SPATA16: variants seen among roughly 807,000 people sequenced by gnomAD.
SPATA16 encodes spermatogenesis-associated protein 16.
SPATA16 carries 36 observed loss-of-function variants against 63.3 expected under a neutral mutation model. That is an observed-to-expected ratio of 0.57 (90% CI 0.44 to 0.75). The LOEUF (loss-of-function observed/expected upper bound fraction) is 0.75, where lower values mean the gene tolerates loss of function less well. Ranked by LOEUF, SPATA16 falls within the 30% of genes least tolerant of loss-of-function variation. SPATA16 has a pLI of 0.00. For synonymous variants in SPATA16, 203 were observed against 216.7 expected (o/e 0.94, Z 0.56); for missense variants, 646 against 679.3 (o/e 0.95, Z 0.54).
intron 6 of SPATA16, among the ~76,000 whole-genome samples, chr3:172,930,521 A>AT (rs1391468925): frequency 7.0e-6 from 1 of 143,744 alleles, no homozygotes; most frequent in Non-Finnish European, 1.5e-5. Flanking sequence ...TTTCCTGAAT[A>AT]TTACAGTATC....
intron 1 of SPATA16, among the ~76,000 whole-genome samples, chr3:173,138,312 A>AGGTTGAGT (rs1738607590): frequency 1.3e-5 from 2 of 152,188 alleles, no homozygotes; most frequent in Admixed American, 1.3e-4. Flanking sequence ...AATACAGACC[A>AGGTTGAGT]GGTTGAGTGC....
At chr3:173,037,940 G>A (rs1408164653) in intron 3 of SPATA16, among the ~76,000 whole-genome samples, 1 of 152,080 alleles carries the variant, frequency 6.6e-6, no homozygotes, top group African/African-American at 2.4e-5. Context: ...TGTAGAATAT[G>A]TATGGAATAT....
At chr3:173,131,505 G>C (rs1205125696) in intron 1 of SPATA16, among the ~76,000 whole-genome samples, 2 of 151,624 alleles carry the variant, frequency 1.3e-5, no homozygotes, top group Non-Finnish European at 2.9e-5. Flanking sequence ...GTCACTGGTG[G>C]GTAATGTTGA....
intron 4 of SPATA16, among the ~76,000 whole-genome samples, chr3:172,989,893 A>C (rs1234605397): frequency 3.3e-5 from 5 of 152,182 alleles, no homozygotes; most frequent in Admixed American, 2.6e-4. Flanking sequence ...ATAGAAGCTT[A>C]CAACTAATAT....
intron 6 of SPATA16, among the ~76,000 whole-genome samples, chr3:172,930,489 G>A (rs753424707): frequency 2.7e-5 from 4 of 149,988 alleles, no homozygotes; most frequent in Non-Finnish European, 5.9e-5. Flanking sequence ...ATGTGTCTAA[G>A]TCCCATCTAG....
chr3:173,085,506 T>A (rs561220181), intron 2 of SPATA16, among the ~76,000 whole-genome samples: 1 of 152,152 alleles, frequency 6.6e-6, no homozygotes, highest in African/African-American at 2.4e-5. Context: ...TGCTTTATTT[T>A]TTTTTTCTCT....
intron 1 of SPATA16, among the ~76,000 whole-genome samples, chr3:173,131,491 G>C (rs1198584937): frequency 6.6e-6 from 1 of 151,656 alleles, no homozygotes; most frequent in African/African-American, 2.4e-5. Flanking sequence ...TTCACTGAAG[G>C]AGTGTCACTG....
At chr3:173,058,550 A>G (rs900279198) in intron 2 of SPATA16, among the ~76,000 whole-genome samples, 2 of 152,096 alleles carry the variant, frequency 1.3e-5, no homozygotes, top group Admixed American at 6.5e-5. Context: ...TTGTTTCTAT[A>G]TACTAGTACC....
At chr3:173,112,540 G>C (rs1291084306) in intron 2 of SPATA16, among the ~76,000 whole-genome samples, 1 of 151,988 alleles carries the variant, frequency 6.6e-6, no homozygotes, top group Non-Finnish European at 1.5e-5. Flanking sequence ...GTCCACCCTT[G>C]GTTTTCTCAT....
intron 4 of SPATA16, among the ~76,000 whole-genome samples, chr3:172,986,766 A>G (rs1734469234): frequency 6.6e-6 from 1 of 152,154 alleles, no homozygotes; most frequent in Admixed American, 6.5e-5. Context: ...AGAAAGTGGC[A>G]AGGGCAGTTC....
chr3:172,961,097 C>T (rs558046147), intron 5 of SPATA16, among the ~76,000 whole-genome samples: 2,082 of 142,628 alleles, frequency 0.015, 92 homozygotes, highest in Middle Eastern at 0.014. Context: ...TTCCTTCCTT[C>T]CTTCCTTCCT....
chr3:172,980,453 T>G (rs983103168), intron 4 of SPATA16, among the ~76,000 whole-genome samples: 1 of 152,228 alleles, frequency 6.6e-6, no homozygotes, highest in Non-Finnish European at 1.5e-5. Context: ...TTATTTTCAT[T>G]AATGTACTGA....
At chr3:172,931,281 C>T (rs576889831) in intron 6 of SPATA16, among the ~76,000 whole-genome samples, 1 of 152,226 alleles carries the variant, frequency 6.6e-6, no homozygotes, top group Non-Finnish European at 1.5e-5. Context: ...TACTCTGTCA[C>T]TTATGCTGGA....
chr3:173,041,100 A>T (rs1355005885), intron 3 of SPATA16, among the ~76,000 whole-genome samples: 5 of 151,960 alleles, frequency 3.3e-5, no homozygotes, highest in African/African-American at 1.2e-4. Flanking sequence ...TTTTGGGGGG[A>T]ATACAATAGC....
intron 4 of SPATA16, among the ~76,000 whole-genome samples, chr3:173,008,406 A>G (rs1055982474): frequency 1.3e-5 from 2 of 152,052 alleles, no homozygotes; most frequent in Admixed American, 6.6e-5. Flanking sequence ...TGGGATCCGC[A>G]GCTCAGATTG....
At chr3:173,121,964 C>A (rs1738086383) in intron 1 of SPATA16, among the ~76,000 whole-genome samples, 1 of 152,084 alleles carries the variant, frequency 6.6e-6, no homozygotes, top group African/African-American at 2.4e-5. Flanking sequence ...GTTCCTGAGA[C>A]ACTGAGCTGC....
intron 6 of SPATA16, among the ~76,000 whole-genome samples, chr3:172,928,179 G>A (rs1732784706): frequency 6.6e-6 from 1 of 152,134 alleles, no homozygotes; most frequent in Non-Finnish European, 1.5e-5. Context: ...AAAGTGTTGG[G>A]ATTATAGGCA....
intron 4 of SPATA16, among the ~76,000 whole-genome samples, chr3:173,012,079 C>T (rs960521709): frequency 2.6e-5 from 4 of 152,182 alleles, no homozygotes; most frequent in Non-Finnish European, 2.9e-5. Context: ...CCCATTTCGG[C>T]TTCTTAAAAT....
At chr3:172,891,507 T>C (rs1279122273) in intron 10 of SPATA16, among the ~76,000 whole-genome samples, 1 of 152,208 alleles carries the variant, frequency 6.6e-6, no homozygotes. Context: ...TGTGCTTTAA[T>C]CCATCTCATA....
Sources: gnomAD v4.1 joint callset for allele counts (sites outside exome capture counted in the v4.1 genomes callset) on GRCh38, gnomAD v4.1.1 for gene constraint, MANE v1.5 for transcripts, NCBI Gene and HGNC (gene_info 2026-07-23, HGNC 2026-07-21) for gene names.